GRID2: variants seen among roughly 807,000 people sequenced by gnomAD.
GRID2 encodes the protein glutamate receptor ionotropic, delta-2.
GRID2 carries 33 observed loss-of-function variants against 114.8 expected under a neutral mutation model. The ratio of observed to expected loss-of-function variants is 0.29; its 90% confidence interval spans 0.22 to 0.38. The LOEUF (loss-of-function observed/expected upper bound fraction) is 0.38. Among genes scored for constraint, GRID2 ranks in the 10% least tolerant of loss-of-function variants. The pLI, the probability that GRID2 is intolerant of heterozygous loss-of-function variation, is 1.00. For synonymous variants in GRID2, 505 were observed against 449.9 expected (o/e 1.12, Z -1.55); for missense variants, 1,184 against 1,257.7 (o/e 0.94, Z 0.89).
At chr4:92,447,302 G>A (rs968644774) in intron 1 of GRID2, among the ~76,000 whole-genome samples, 1 of 152,110 alleles carries the variant, frequency 6.6e-6, no homozygotes, top group African/African-American at 2.4e-5. Context: ...ACCCCTTAGA[G>A]GAAAAGGAAG....
At position 93,312,481 on chromosome 4, in the gene GRID2, A is replaced by G. The variant is rs35497604; in HGVS notation, c.1245+73991A>G. Reference sequence around the variant, plus strand: ...GAAGCATTCAAGTGAACTAGCAGGTACAAGCCTGAAACAAACAAACAAAAG... The same window carrying G: ...GAAGCATTCAAGTGAACTAGCAGGTGCAAGCCTGAAACAAACAAACAAAAG... On this transcript the variant is annotated intron_variant, in intron 8 of 15. Coordinates refer to ENST00000282020, the MANE Select transcript of GRID2 (RefSeq NM_001510.4). 5.4e-3 allele frequency among the ~76,000 whole-genome samples: 816 copies of G among 152,334 alleles called. 3 individuals are homozygous for G. Among genetic ancestry groups the G allele is most frequent in the African/African-American group, 0.019 (788 of 41,572 alleles).
intron 2 of GRID2, among the ~76,000 whole-genome samples, chr4:92,817,691 T>A (rs1164911766): frequency 6.6e-6 from 1 of 151,996 alleles, no homozygotes; most frequent in African/African-American, 2.4e-5. Context: ...CTTATGTTGT[T>A]AGATATTTGG....
At chr4:92,940,746 A>G (rs1300129003) in intron 2 of GRID2, among the ~76,000 whole-genome samples, 3 of 152,122 alleles carry the variant, frequency 2.0e-5, no homozygotes, top group Admixed American at 6.6e-5. Flanking sequence ...CATCCCATCA[A>G]TACCTAATTT....
In GRID2 at chr4:93,507,081, A is replaced by T. The variant is rs138866261; in HGVS notation, c.1998-8135A>T. 1.9e-3 allele frequency among the ~76,000 whole-genome samples: 288 copies of T among 152,304 alleles called. 2 individuals are homozygous for T. Among genetic ancestry groups the T allele is most frequent in the African/African-American group, 6.7e-3 (277 of 41,574 alleles). ...TTTTTAAAATAGGAAACTTAGTGCT[A>T]TTAAGCTAAAAACTCTTTCCTGAGC... On this transcript the variant is annotated intron_variant, in intron 12 of 15. Transcript: ENST00000282020.
chr4:93,136,152 A>AT (rs1404172314), intron 4 of GRID2, among the ~76,000 whole-genome samples: 1 of 151,986 alleles, frequency 6.6e-6, no homozygotes, highest in Non-Finnish European at 1.5e-5. Context: ...CACACCACAG[A>AT]TTTTTAACTC....
chr4:93,042,697 A>C (rs1560821950), intron 2 of GRID2, among the ~76,000 whole-genome samples: 1 of 144,482 alleles, frequency 6.9e-6, no homozygotes, highest in Admixed American at 7.0e-5. Flanking sequence ...ATATGCATAT[A>C]TATATGCATA....
chr4:92,483,206 C>A (rs1325916885), intron 1 of GRID2, among the ~76,000 whole-genome samples: 1 of 152,026 alleles, frequency 6.6e-6, no homozygotes, highest in African/African-American at 2.4e-5. Context: ...GGCTGTAGTG[C>A]ACATGCCTGA....
rs566881616 is a variant in GRID2, at chr4:92,976,342, T to C, written c.245-108653T>C. Among the ~76,000 whole-genome samples the C allele has an allele frequency of 3.3e-5, 5 of 152,122 alleles. No homozygotes were observed. In the South Asian group the frequency reaches 1.0e-3, roughly 32 times the overall value. On this transcript the variant is annotated intron_variant, in intron 2 of 15. Coordinates refer to ENST00000282020, the MANE Select transcript of GRID2 (RefSeq NM_001510.4). Reference sequence around the variant, plus strand: ...TCATTTTCGTAGTGAATATATGATATATATCTCATGCATGTCTGTTGTACC... The same window carrying C: ...TCATTTTCGTAGTGAATATATGATACATATCTCATGCATGTCTGTTGTACC...
At chr4:92,916,953 G>A (rs1037618997) in intron 2 of GRID2, among the ~76,000 whole-genome samples, 2 of 152,092 alleles carry the variant, frequency 1.3e-5, no homozygotes, top group African/African-American at 4.8e-5. Context: ...CTTCCACAAT[G>A]GTTGAACTAG....
intron 2 of GRID2, among the ~76,000 whole-genome samples, chr4:92,875,808 C>T (rs1745586785): frequency 6.6e-6 from 1 of 151,976 alleles, no homozygotes; most frequent in Non-Finnish European, 1.5e-5. Context: ...CCATATCTAC[C>T]TAGAATAAAT....
intron 2 of GRID2, among the ~76,000 whole-genome samples, chr4:92,643,368 G>C (rs980668314): frequency 1.1e-4 from 17 of 151,592 alleles, no homozygotes; most frequent in African/African-American, 3.9e-4. Context: ...GGAAATAAAG[G>C]GATCTAAATA....
intron 4 of GRID2, among the ~76,000 whole-genome samples, chr4:93,127,784 G>T (rs1016863216): frequency 6.6e-6 from 1 of 151,882 alleles, no homozygotes; most frequent in African/African-American, 2.4e-5. Flanking sequence ...ATCAATTGAG[G>T]TTGGGAGTTT....
intron 2 of GRID2, among the ~76,000 whole-genome samples, chr4:93,052,769 C>A (rs942195970): frequency 6.6e-6 from 1 of 151,860 alleles, no homozygotes; most frequent in Non-Finnish European, 1.5e-5. Context: ...TTACTCTTCT[C>A]CTTGGCAGCC....
intron 2 of GRID2, among the ~76,000 whole-genome samples, chr4:92,713,024 T>C (rs1735332187): frequency 3.3e-5 from 5 of 151,922 alleles, no homozygotes; most frequent in Middle Eastern, 3.4e-3. Context: ...ACTTTAAGTT[T>C]TAGGGTACAT....
chr4:93,553,865 C>T (rs1234953487), intron 13 of GRID2, among the ~76,000 whole-genome samples: 5 of 152,072 alleles, frequency 3.3e-5, no homozygotes, highest in African/African-American at 7.2e-5. Flanking sequence ...AATCATGTGT[C>T]CTAATTTTTT....
intron 1 of GRID2, among the ~76,000 whole-genome samples, chr4:92,525,806 C>T (rs1487626983): frequency 6.6e-6 from 1 of 151,950 alleles, no homozygotes; most frequent in African/African-American, 2.4e-5. Flanking sequence ...ACTTAAATGG[C>T]ACAGTGGAAA....
At chr4:93,303,197 A>G (rs553453961) in intron 8 of GRID2, among the ~76,000 whole-genome samples, 136 of 152,098 alleles carry the variant, frequency 8.9e-4, no homozygotes, top group African/African-American at 3.1e-3. Flanking sequence ...TGATCCAATC[A>G]CCTCCCTCCA....
chr4:92,591,315 G>C (rs571208212), intron 2 of GRID2, among the ~76,000 whole-genome samples: 1 of 152,172 alleles, frequency 6.6e-6, no homozygotes, highest in East Asian at 1.9e-4. Flanking sequence ...TGGATTTGCT[G>C]GTCTCCAGAA....
intron 2 of GRID2, among the ~76,000 whole-genome samples, chr4:92,970,534 C>T (rs2149170264): frequency 1.3e-5 from 2 of 152,000 alleles, no homozygotes; most frequent in Non-Finnish European, 2.9e-5. Context: ...GATATTTGAC[C>T]TATGTAGCTA....
Sources: allele counts gnomAD v4.1 joint callset (sites outside exome capture counted in the v4.1 genomes callset), GRCh38; gene constraint gnomAD v4.1.1; transcripts MANE v1.5; gene names NCBI Gene and HGNC (gene_info 2026-07-23, HGNC 2026-07-21).